Variants in KCNQ1 observed in about 807,000 individuals in gnomAD.
KCNQ1 encodes potassium voltage-gated channel subfamily Q member 1, also known as potassium voltage-gated channel subfamily KQT member 1.
Under a neutral mutation model 72.4 loss-of-function variants are expected in KCNQ1, and 49 were observed. That is an observed-to-expected ratio of 0.68 (90% CI 0.54 to 0.86). The LOEUF (loss-of-function observed/expected upper bound fraction) is 0.86, where lower values mean the gene tolerates loss of function less well. KCNQ1 is among the 40% of genes least tolerant of loss of function. The pLI is 0.00. For missense variants in KCNQ1, 790 were observed against 945.1 expected, an observed-to-expected ratio of 0.84 and a Z score of 2.15; for synonymous variants, 450 against 412.6, an observed-to-expected ratio of 1.09 and a Z score of -1.10.
rs528259274 is a variant in KCNQ1 at position 2,818,519 on chromosome 11, C to G, written c.1795-29248C>G. Among the ~76,000 whole-genome samples, 44 of 152,164 alleles carry G rather than the reference C, an allele frequency of 2.9e-4. No homozygotes were observed. The highest frequency in any genetic ancestry group is 4.9e-4 in the Non-Finnish European group (33 of 68,018). On this transcript the variant is annotated intron_variant, in intron 15 of 15. Coordinates refer to ENST00000155840, the MANE Select transcript of KCNQ1 (RefSeq NM_000218.3). This position sits in a 1 kb window ranked among gnomAD's most constrained non-coding sequence, Gnocchi z 7.2. ...TGGGAGCTGTCACAGGACTTTGCCA[C>G]CCGGGGTGAGGGGCCTAGAAACCCC... is the stretch of plus-strand genomic sequence containing the variant.
chr11:2,829,071 C>T (rs1055192831), intron 15 of KCNQ1, among the ~76,000 whole-genome samples: 6 of 152,198 alleles, frequency 3.9e-5, no homozygotes, highest in African/African-American at 1.4e-4. Flanking sequence ...CAAACATGCA[C>T]AGTCAAAAAT....
At position 2,827,127 on chromosome 11, in the gene KCNQ1, C is replaced by T. The variant is rs138205568; in HGVS notation, c.1795-20640C>T. Among the ~76,000 whole-genome samples the T allele has an allele frequency of 7.2e-5, 11 of 152,264 alleles. No individual in the cohort carries two copies. In the East Asian group the frequency reaches 2.1e-3, roughly 29 times the overall value. The stretch of plus-strand genomic sequence containing the variant: ...GCAGAGAGGAGGCCAGGCACAGTCA[C>T]CTCGTGTTGCTGTCCCCCAGGTAGG... On this transcript the variant is annotated intron_variant, in intron 15 of 15. Coordinates refer to ENST00000155840, the MANE Select transcript of KCNQ1 (RefSeq NM_000218.3). The surrounding 1 kb of genome is among the most constrained non-coding windows in gnomAD (Gnocchi z 6.7).
chr11:2,528,068 T>G (rs1185201300), intron 2 of KCNQ1, 50 bp downstream of exon 2: 1 of 1,486,324 alleles, frequency 6.7e-7, no homozygotes, highest in Middle Eastern at 1.7e-4. Flanking sequence ...CCTTGGAAGC[T>G]GGCATCTCCC....
intron 11 of KCNQ1, among the ~76,000 whole-genome samples, chr11:2,718,346 G>A (rs1362992257): frequency 6.6e-6 from 1 of 152,156 alleles, no homozygotes; most frequent in African/African-American, 2.4e-5. Flanking sequence ...CCTGCATCTG[G>A]CTGACCCCCT....
chr11:2,629,927 C>T (rs1431130363), intron 10 of KCNQ1: 2 of 398,178 alleles, frequency 5.0e-6, no homozygotes, highest in Non-Finnish European at 8.9e-6. Context: ...TTTTCTTGCC[C>T]AATTCCTCTG....
chr11:2,797,112 T>C lies in KCNQ1; in HGVS notation c.1794+19075T>C, dbSNP rs190858844. On this transcript the variant is annotated intron_variant, in intron 15 of 15. Coordinates refer to ENST00000155840, the MANE Select transcript of KCNQ1 (RefSeq NM_000218.3). Reference sequence around the variant, plus strand: ...GGGCTGTCTCCAGCACCCCAGGATTTACGAGGACTCGGCCCAGAGCCTCGA... The same window carrying C: ...GGGCTGTCTCCAGCACCCCAGGATTCACGAGGACTCGGCCCAGAGCCTCGA... Among the ~76,000 whole-genome samples, 856 of 152,260 alleles carry C rather than the reference T, an allele frequency of 5.6e-3. 8 individuals carry two copies. Among genetic ancestry groups the C allele is most frequent in the African/African-American group, 0.019 (809 of 41,564 alleles).
At chr11:2,525,010 G>A (rs1000907479) in intron 1 of KCNQ1, among the ~76,000 whole-genome samples, 7 of 152,200 alleles carry the variant, frequency 4.6e-5, no homozygotes, top group South Asian at 2.1e-4. Flanking sequence ...ACAAACAGAC[G>A]TCCAGGAGGA....
intron 1 of KCNQ1, among the ~76,000 whole-genome samples, chr11:2,456,967 C>A (rs12794036): frequency 1 from 135,330 of 135,940 alleles, 67,361 homozygotes; most frequent in Admixed American, 1. Flanking sequence ...AAAAAAAAAC[C>A]CAAAAAAACA....
rs192041669 is a variant in KCNQ1, at chr11:2,690,578, C to T, written c.1514+28497C>T. ...GTAACATGTCAAAGATGGGACAGAA[C>T]CCACCTCCTGGCAGGGAGTGGGGCA... On this transcript the variant is annotated intron_variant, in intron 11 of 15. Transcript: ENST00000155840. The surrounding 1 kb of genome is among the most constrained non-coding windows in gnomAD (Gnocchi z 5.1). 2.0e-5 allele frequency: 8 copies of T among 398,670 alleles called. No homozygotes were observed. The Admixed American group carries it at 2.2e-4, about 11-fold the overall frequency. 24.7% of individuals were successfully genotyped at this position (398,670 alleles called of 1,614,324 possible).
chr11:2,672,035 G>A (rs955183294), intron 11 of KCNQ1: 13 of 398,528 alleles, frequency 3.3e-5, no homozygotes, highest in East Asian at 7.1e-5. Flanking sequence ...ACCCTGGCCC[G>A]GTCTGCACTC....
intron 11 of KCNQ1, chr11:2,680,122 C>T (rs1482738571): frequency 7.6e-6 from 3 of 395,868 alleles, no homozygotes; most frequent in African/African-American, 4.2e-5. Context: ...AAACTCCTGA[C>T]CTCAAGTGAT....
At chr11:2,511,658 G>A (rs943290368) in intron 1 of KCNQ1, among the ~76,000 whole-genome samples, 3 of 152,174 alleles carry the variant, frequency 2.0e-5, no homozygotes. Context: ...ATCTGTTGTT[G>A]AATAATTCAA....
intron 15 of KCNQ1, among the ~76,000 whole-genome samples, chr11:2,811,902 G>T (rs1208054386): frequency 6.6e-6 from 1 of 152,182 alleles, no homozygotes; most frequent in East Asian, 1.9e-4. Flanking sequence ...GCTCCCGAGT[G>T]CCCGCCGCAG....
In KCNQ1 at chr11:2,611,643, A is replaced by G. The variant is rs938520756; in HGVS notation, c.1393+22789A>G. On this transcript the variant is annotated intron_variant, in intron 10 of 15. Transcript: ENST00000155840. This position sits in a 1 kb window ranked among gnomAD's most constrained non-coding sequence, Gnocchi z 5.3. ...ACTCTTATAGACCATATATATTTGG[A>G]TCCTGCTTTTAAGGCAGTCTGGCAA... 1 of 398,434 alleles carries G rather than the reference A, an allele frequency of 2.5e-6. No homozygotes were observed. Among genetic ancestry groups the G allele is most frequent in the African/African-American group, 2.1e-5 (1 of 48,604 alleles). The allele number at this position is 398,434 out of a possible 1,614,324, so 24.7% of individuals were successfully genotyped here.
At position 2,679,696 on chromosome 11, in the gene KCNQ1, T is replaced by A. The variant is rs1355118557; in HGVS notation, c.1514+17615T>A. On this transcript the variant is annotated intron_variant, in intron 11 of 15. Transcript: ENST00000155840. The surrounding 1 kb of genome is among the most constrained non-coding windows in gnomAD (Gnocchi z 4.8). Reference sequence around the variant, plus strand: ...ATAGGATCCCAGATTAGATTTTTTTTAAATCAGCCGTTCTCTGTATTCTTG... The same window carrying A: ...ATAGGATCCCAGATTAGATTTTTTTAAAATCAGCCGTTCTCTGTATTCTTG... 32 of 398,452 alleles carry A rather than the reference T, an allele frequency of 8.0e-5. No individual in the cohort carries two copies. Among genetic ancestry groups the A allele is most frequent in the Middle Eastern group, 1.2e-3 (2 of 1,610 alleles). The allele number at this position is 398,452 out of a possible 1,614,324, so 24.7% of individuals were successfully genotyped here.
intron 15 of KCNQ1, among the ~76,000 whole-genome samples, chr11:2,843,674 C>G (rs879747820): frequency 6.6e-6 from 1 of 152,264 alleles, no homozygotes; most frequent in Non-Finnish European, 1.5e-5. Flanking sequence ...AAAAATTTCC[C>G]TTGAAAGACT....
At chr11:2,445,604 G>C (rs1846026271) in intron 1 of KCNQ1, 120 bp downstream of exon 1, 1 of 1,174,136 alleles carries the variant, frequency 8.5e-7, no homozygotes, top group South Asian at 1.3e-5. Context: ...GAGGAGGGAA[G>C]GAAGTGGGGA....
chr11:2,556,397 C>G (rs975926199), intron 2 of KCNQ1, among the ~76,000 whole-genome samples: 1 of 152,142 alleles, frequency 6.6e-6, no homozygotes, highest in African/African-American at 2.4e-5. Flanking sequence ...TCAGAGGATT[C>G]TTTAATCCAA....
At position 2,686,867 on chromosome 11, in the gene KCNQ1, TTG is replaced by T. The variant is rs1850498241; in HGVS notation, c.1514+24790_1514+24791del. ...GTCCCCTCTGGCCAGAGGCCCTGGTTTGTGTCTGCCCAGTGACCAGCCTGAAG... is the reference window on the plus strand; with the variant it reads ...GTCCCCTCTGGCCAGAGGCCCTGGTTTGTCTGCCCAGTGACCAGCCTGAAG... On this transcript the variant is annotated intron_variant, in intron 11 of 15. Transcript: ENST00000155840. 8 of 398,636 alleles carry T rather than the reference TTG, an allele frequency of 2.0e-5. No homozygotes were observed. In the South Asian group the frequency reaches 8.9e-4, roughly 44 times the overall value. 24.7% of individuals were successfully genotyped at this position (398,636 alleles called of 1,614,324 possible).
Sources: allele counts gnomAD v4.1 joint callset (sites outside exome capture counted in the v4.1 genomes callset), GRCh38; gene constraint gnomAD v4.1.1; non-coding constraint Gnocchi (gnomAD v3.1); transcripts MANE v1.5; gene names NCBI Gene and HGNC (gene_info 2026-07-23, HGNC 2026-07-21).